RXFP1: variants seen among roughly 807,000 people sequenced by gnomAD.
The protein encoded by RXFP1 is relaxin receptor 1.
Under a neutral mutation model 89.8 loss-of-function variants are expected in RXFP1, and 73 were observed. That is an observed-to-expected ratio of 0.81 (90% confidence interval 0.67 to 0.99). RXFP1 has a LOEUF of 0.99. Among genes scored for constraint, RXFP1 ranks in the 50% least tolerant of loss-of-function variants. The pLI is 0.00. For missense variants in RXFP1, 793 were observed against 895.5 expected, an observed-to-expected ratio of 0.89 and a Z score of 1.46; for synonymous variants, 277 against 305.5, an observed-to-expected ratio of 0.91 and a Z score of 0.97.
chr4:158,595,297 G>A (rs1205426177), intron 3 of RXFP1, among the ~76,000 whole-genome samples: 1 of 152,144 alleles, frequency 6.6e-6, no homozygotes, highest in Non-Finnish European at 1.5e-5. Flanking sequence ...AGCAATCAAT[G>A]GCTATTCACT....
chr4:158,648,727 T>C lies in RXFP1; in HGVS notation c.1975+10T>C, dbSNP rs762580439. Reference sequence around the variant, plus strand: ...CAGGTAGAAATACCAGGTACAATATTTTTTAATCTCCTTAAAGAAATAATA... The same window carrying C: ...CAGGTAGAAATACCAGGTACAATATCTTTTAATCTCCTTAAAGAAATAATA... On this transcript the variant is annotated intron_variant, in intron 17 of 17. Coordinates refer to ENST00000307765, the MANE Select transcript of RXFP1 (RefSeq NM_021634.4). 8.9e-6 allele frequency: 13 copies of C among 1,453,694 alleles called. No homozygotes were observed. In the African/African-American group the frequency reaches 1.6e-4, roughly 17 times the overall value. The allele number at this position is 1,453,694 out of a possible 1,614,324, so 90.0% of individuals were successfully genotyped here. A position where few individuals can be genotyped will look rare whatever the true frequency, so the allele number is the denominator to read the frequency against.
chr4:158,612,163 G>A lies in RXFP1; in HGVS notation c.570G>A (p.Lys190=), dbSNP rs749781155. The A allele has an allele frequency of 2.5e-6, 4 of 1,611,428 alleles. No individual in the cohort carries two copies. The South Asian group carries it at 3.3e-5, about 13-fold the overall frequency. Residue 190 remains lysine, a synonymous_variant, in exon 7 of 18, where the codon AAG becomes AAA. Transcript: ENST00000307765. ...YLSHNRITFL[K]PGVFEDLHRL... ...GTCATAACAGAATAACCTTCCTGAA[G>A]CCGGGTGTTTTTGAAGATCTTCACA... is the stretch of plus-strand genomic sequence containing the variant.
intron 1 of RXFP1, among the ~76,000 whole-genome samples, chr4:158,557,281 T>A (rs780342465): frequency 6.6e-6 from 1 of 152,220 alleles, no homozygotes; most frequent in African/African-American, 2.4e-5. Context: ...TGTTTAAGCA[T>A]GTTTCCAAGT....
chr4:158,629,031 T>G (rs183201730), intron 11 of RXFP1, among the ~76,000 whole-genome samples: 2 of 149,044 alleles, frequency 1.3e-5, no homozygotes, highest in Admixed American at 6.8e-5. Context: ...TTATGGGGGG[T>G]TTTTTGTTTT....
chr4:158,620,832 A>G (rs1765482369), intron 9 of RXFP1, among the ~76,000 whole-genome samples: 1 of 152,216 alleles, frequency 6.6e-6, no homozygotes, highest in African/African-American at 2.4e-5. Flanking sequence ...AAAGCTGATG[A>G]ATCTTTGGCC....
At chr4:158,603,177 A>C (rs1292162077) in intron 4 of RXFP1, among the ~76,000 whole-genome samples, 2 of 152,174 alleles carry the variant, frequency 1.3e-5, no homozygotes, top group Non-Finnish European at 2.9e-5. Context: ...TCCTGGGCTC[A>C]AGTGATCCTC....
intron 14 of RXFP1, among the ~76,000 whole-genome samples, chr4:158,643,257 C>T (rs1007119531): frequency 6.6e-6 from 1 of 152,202 alleles, no homozygotes; most frequent in Non-Finnish European, 1.5e-5. Flanking sequence ...TTTCAGGCTG[C>T]TCTTTGTTAG....
intron 15 of RXFP1, 89 bp from the exon 16 acceptor site, chr4:158,646,702 T>C: frequency 1.4e-6 from 2 of 1,480,298 alleles, no homozygotes; most frequent in Non-Finnish European, 1.8e-6. Context: ...ACTTGACTAT[T>C]TTTTCTAGCA....
intron 8 of RXFP1, among the ~76,000 whole-genome samples, 179 bp from the exon 9 acceptor site, chr4:158,616,952 T>C (rs1348687079): frequency 6.7e-6 from 1 of 148,190 alleles, no homozygotes; most frequent in African/African-American, 2.5e-5. Context: ...TGAGCTGAGA[T>C]CGTGTCACAC....
At chr4:158,615,048 A>G (rs1015115819) in intron 8 of RXFP1, among the ~76,000 whole-genome samples, 8 of 152,014 alleles carry the variant, frequency 5.3e-5, no homozygotes, top group African/African-American at 1.9e-4. Context: ...AGTAGATTTA[A>G]CATAATTCTT....
intron 2 of RXFP1, among the ~76,000 whole-genome samples, chr4:158,576,893 A>G (rs1320770123): frequency 6.6e-6 from 1 of 152,208 alleles, no homozygotes; most frequent in African/African-American, 2.4e-5. Context: ...GGTGATGGAA[A>G]AATTATGAGA....
At chr4:158,596,153 G>A (rs1344118150) in intron 3 of RXFP1, among the ~76,000 whole-genome samples, 4 of 151,524 alleles carry the variant, frequency 2.6e-5, no homozygotes, top group African/African-American at 7.3e-5. Context: ...AAAGGAAAAC[G>A]TTAATAGATA....
At chr4:158,638,117 T>C in intron 13 of RXFP1, 38 bp downstream of exon 13, 1 of 1,256,726 alleles carries the variant, frequency 8.0e-7, no homozygotes, top group Middle Eastern at 2.1e-4. Flanking sequence ...TATGATAAAA[T>C]TGTTTTTTAA....
intron 6 of RXFP1, among the ~76,000 whole-genome samples, chr4:158,609,552 T>G (rs1206796606): frequency 6.6e-6 from 1 of 152,228 alleles, no homozygotes; most frequent in Non-Finnish European, 1.5e-5. Context: ...TTTCCACCTA[T>G]ACTGTTCTGT....
At chr4:158,637,942 CAG>C in intron 12 of RXFP1, 64 bp from the exon 13 acceptor site, 1 of 954,158 alleles carries the variant, frequency 1.0e-6, no homozygotes, top group Non-Finnish European at 1.7e-6. Flanking sequence ...CCAAAATAAA[CAG>C]ATTCACTCGC....
Position 158,530,614 on chromosome 4 carries a change from A to G in RXFP1, c.49+8589A>G, listed in dbSNP as rs114776240. 1.7e-3 allele frequency among the ~76,000 whole-genome samples: 266 copies of G among 152,330 alleles called. 2 individuals are homozygous for G. Among genetic ancestry groups the G allele is most frequent in the African/African-American group, 6.2e-3 (258 of 41,570 alleles). ...CAAACTTAGACAGAGTGACATCATC[A>G]GTCATGCTTTCTGTTAGCTTCTTAA... On this transcript the variant is annotated intron_variant, in intron 1 of 17. Coordinates refer to ENST00000307765, the MANE Select transcript of RXFP1 (RefSeq NM_021634.4).
intron 2 of RXFP1, among the ~76,000 whole-genome samples, chr4:158,576,883 G>A (rs1202532599): frequency 6.6e-6 from 1 of 152,148 alleles, no homozygotes; most frequent in Non-Finnish European, 1.5e-5. Flanking sequence ...TTAGAGTCCA[G>A]GTGATGGAAA....
chr4:158,608,991 A>T (rs186137046), intron 6 of RXFP1, among the ~76,000 whole-genome samples: 1 of 152,328 alleles, frequency 6.6e-6, no homozygotes, highest in East Asian at 1.9e-4. Context: ...GCTGAATAAT[A>T]GTCCATTGTA....
intron 9 of RXFP1, among the ~76,000 whole-genome samples, chr4:158,623,752 G>A (rs1374497300): frequency 1.3e-5 from 2 of 152,082 alleles, no homozygotes; most frequent in Admixed American, 6.5e-5. Context: ...TAGGGAGGTC[G>A]AAGTATTACA....
Sources: allele counts gnomAD v4.1 joint callset (sites outside exome capture counted in the v4.1 genomes callset), GRCh38; gene constraint gnomAD v4.1.1; transcripts MANE v1.5; gene names NCBI Gene and HGNC (gene_info 2026-07-23, HGNC 2026-07-21).